PSMD14: variants seen among roughly 807,000 people sequenced by gnomAD.
PSMD14 encodes the protein ubiquitin C-terminal hydrolase PSMD14.
A neutral mutation model predicts 41.2 loss-of-function variants in PSMD14; 7 were observed. The ratio of observed to expected loss-of-function variants is 0.17; its 90% CI spans 0.10 to 0.32. PSMD14 has a LOEUF of 0.32. Ranked by LOEUF, PSMD14 falls within the 10% of genes least tolerant of loss-of-function variation. The pLI is 1.00. For missense variants in PSMD14, 139 were observed against 375.6 expected, an observed-to-expected ratio of 0.37 and a Z score of 5.21; for synonymous variants, 114 against 122.3, an observed-to-expected ratio of 0.93 and a Z score of 0.45.
At chr2:161,333,134 A>G (rs938455942) in intron 3 of PSMD14, among the ~76,000 whole-genome samples, 4 of 151,542 alleles carry the variant, frequency 2.6e-5, no homozygotes, top group Non-Finnish European at 5.9e-5. Context: ...AATTTGTTTA[A>G]TAATAGCATA....
At chr2:161,334,981 T>C (rs1682847158) in intron 3 of PSMD14, among the ~76,000 whole-genome samples, 1 of 152,244 alleles carries the variant, frequency 6.6e-6, no homozygotes, top group South Asian at 2.1e-4. Context: ...GAAATTAGGG[T>C]AGTGGTCAGC....
intron 7 of PSMD14, chr2:161,383,205 T>G (rs1683590371): frequency 6.6e-6 from 1 of 152,130 alleles, no homozygotes; most frequent in African/African-American, 2.4e-5. Flanking sequence ...ATACCAAAAT[T>G]AAAATGTAGA....
At chr2:161,390,914 G>A (rs1315140104) in intron 8 of PSMD14, among the ~76,000 whole-genome samples, 190 bp from the exon 9 acceptor site, 6 of 152,086 alleles carry the variant, frequency 3.9e-5, no homozygotes, top group African/African-American at 9.7e-5. Flanking sequence ...TGTGTAACCC[G>A]TTCCTCTAAA....
At chr2:161,318,423 G>C (rs538691344) in intron 2 of PSMD14, among the ~76,000 whole-genome samples, 4 of 152,122 alleles carry the variant, frequency 2.6e-5, no homozygotes, top group African/African-American at 9.6e-5. Flanking sequence ...TTAAAAGTGA[G>C]GATTTTTATT....
At chr2:161,385,347 A>G in intron 7 of PSMD14, 117 bp from the exon 8 acceptor site, 1 of 453,982 alleles carries the variant, frequency 2.2e-6, no homozygotes, top group Non-Finnish European at 3.9e-6. Flanking sequence ...TTATAATTAA[A>G]TGATTTTCTG....
At chr2:161,385,258 A>G (rs1387893981) in intron 7 of PSMD14, 4 of 349,188 alleles carry the variant, frequency 1.1e-5, no homozygotes, top group Non-Finnish European at 2.0e-5. Context: ...AAATTGCAAT[A>G]ATTGGTGTCA....
At chr2:161,411,221 T>C in intron 11 of PSMD14, 81 bp from the exon 12 acceptor site, 1 of 786,766 alleles carries the variant, frequency 1.3e-6, no homozygotes, top group East Asian at 2.9e-5. Context: ...ACTAGTTTCA[T>C]CAGCTACTGA....
chr2:161,309,184 T>C (rs1446735974), intron 1 of PSMD14, among the ~76,000 whole-genome samples: 3 of 152,200 alleles, frequency 2.0e-5, no homozygotes, highest in Non-Finnish European at 4.4e-5. Context: ...TGAGTAATTG[T>C]TGGTAAATTG....
At chr2:161,317,509 A>T (rs556200190) in intron 2 of PSMD14, among the ~76,000 whole-genome samples, 1 of 152,178 alleles carries the variant, frequency 6.6e-6, no homozygotes, top group East Asian at 1.9e-4. Flanking sequence ...TGAGGTGCCA[A>T]TAATGTTCTG....
intron 10 of PSMD14, among the ~76,000 whole-genome samples, chr2:161,404,417 CTAATATTAACA>C (rs1683923083): frequency 6.6e-6 from 1 of 152,172 alleles, no homozygotes; most frequent in Non-Finnish European, 1.5e-5. Context: ...CTGTTATTAA[CTAATATTAACA>C]TAATATAAAC....
chr2:161,368,545 T>G (rs1683390700), intron 5 of PSMD14, among the ~76,000 whole-genome samples: 1 of 152,068 alleles, frequency 6.6e-6, no homozygotes, highest in Non-Finnish European at 1.5e-5. Flanking sequence ...AGACTTGTGT[T>G]GATAGATGTG....
rs1272544851 is a variant in PSMD14 at position 161,411,416 on chromosome 2, T to C, written c.*16T>C. ...ATTTAAATAAAGCAACGAAAAACGC[T>C]ATTAATGATGCCTTCAGTGTATATT... is the stretch of plus-strand genomic sequence containing the variant. On this transcript the variant is annotated 3_prime_UTR_variant, in exon 12 of 12. Coordinates refer to ENST00000409682, the MANE Select transcript of PSMD14 (RefSeq NM_005805.6). The C allele has an allele frequency of 3.3e-6, 5 of 1,534,378 alleles. No individual in the cohort carries two copies. The Admixed American group carries it at 8.7e-5, about 27-fold the overall frequency.
chr2:161,352,951 A>G (rs1683140909), intron 3 of PSMD14, among the ~76,000 whole-genome samples: 1 of 152,152 alleles, frequency 6.6e-6, no homozygotes, highest in Non-Finnish European at 1.5e-5. Context: ...TTGATCAGTG[A>G]TCCAGCTAAT....
chr2:161,317,493 C>T (rs529272733), intron 2 of PSMD14, among the ~76,000 whole-genome samples: 2 of 152,024 alleles, frequency 1.3e-5, no homozygotes, highest in African/African-American at 4.8e-5. Flanking sequence ...GCTTGGGTGG[C>T]GTTTCTGAGG....
intron 3 of PSMD14, among the ~76,000 whole-genome samples, chr2:161,330,627 G>A (rs1011506965): frequency 1.3e-5 from 2 of 152,136 alleles, no homozygotes; most frequent in African/African-American, 4.8e-5. Context: ...ACAGACTCAA[G>A]GTGGTTCTCT....
intron 3 of PSMD14, among the ~76,000 whole-genome samples, chr2:161,360,197 T>A (rs1291455165): frequency 1.3e-5 from 2 of 150,962 alleles, no homozygotes; most frequent in African/African-American, 4.9e-5. Context: ...ATGTATTTTT[T>A]TTTTTTTTTT....
At chr2:161,367,655 AT>A in intron 4 of PSMD14, 106 bp downstream of exon 4, 1 of 1,419,674 alleles carries the variant, frequency 7.0e-7, no homozygotes, top group Non-Finnish European at 9.6e-7. Flanking sequence ...TAAATAAGCT[AT>A]TGTTTTAGGT....
chr2:161,335,981 G>T (rs1682863453), intron 3 of PSMD14, among the ~76,000 whole-genome samples: 1 of 152,152 alleles, frequency 6.6e-6, no homozygotes, highest in East Asian at 1.9e-4. Flanking sequence ...ATTAGGAATG[G>T]TAGATAATGA....
At chr2:161,399,793 G>A (rs946617879) in intron 10 of PSMD14, among the ~76,000 whole-genome samples, 2 of 151,986 alleles carry the variant, frequency 1.3e-5, no homozygotes, top group African/African-American at 4.8e-5. Context: ...TACATTTTTG[G>A]AGGCCGTCTT....
Sources: gnomAD v4.1 joint callset for allele counts (sites outside exome capture counted in the v4.1 genomes callset) on GRCh38, gnomAD v4.1.1 for gene constraint, MANE v1.5 for transcripts, NCBI Gene and HGNC (gene_info 2026-07-23, HGNC 2026-07-21) for gene names.